The following THOC2 variants were observed in gnomAD, a reference collection of about 807,000 sequenced individuals.
THOC2 encodes THO complex subunit 2.
Under a neutral mutation model 128.4 loss-of-function variants are expected in THOC2, and 10 were observed. The ratio of observed to expected loss-of-function variants is 0.08; its 90% CI spans 0.05 to 0.13. THOC2 has a LOEUF of 0.13. Ranked by LOEUF, THOC2 falls within the 10% of genes least tolerant of loss-of-function variation. THOC2 has a pLI of 1.00. For missense variants in THOC2, 535 were observed against 1,155.7 expected (o/e 0.46, Z 7.79); for synonymous variants, 393 against 396.9 (o/e 0.99, Z 0.12).
intron 1 of THOC2, among the ~76,000 whole-genome samples, chrX:123,729,759 T>A (rs989767177): frequency 8.9e-6 from 1 of 112,400 alleles, no homozygotes; most frequent in African/African-American, 3.2e-5. Flanking sequence ...TTTTAACATT[T>A]CCAGTTGCTG....
At chrX:123,610,154 A>G (rs1197359728) in intron 38 of THOC2, 2 of 111,630 alleles carry the variant, frequency 1.8e-5, no homozygotes, top group Non-Finnish European at 3.8e-5. Context: ...ATCACCAAAC[A>G]GTAACTATTC....
At chrX:123,621,039 CT>C (rs1345941631) in intron 31 of THOC2, 74 bp from the exon 32 acceptor site, 1 of 1,184,323 alleles carries the variant, frequency 8.4e-7, no homozygotes, top group African/African-American at 1.8e-5. Context: ...AAAACACCAA[CT>C]TGTATGACAA....
At chrX:123,624,282 C>A in intron 26 of THOC2, 91 bp from the exon 27 acceptor site, 1 of 881,740 alleles carries the variant, frequency 1.1e-6, no homozygotes, top group Non-Finnish European at 1.5e-6. Flanking sequence ...TCAATGTTTC[C>A]GTGTAAAAAC....
At chrX:123,710,393 A>G (rs2051130803) in intron 2 of THOC2, among the ~76,000 whole-genome samples, 1 of 112,377 alleles carries the variant, frequency 8.9e-6, no homozygotes, top group South Asian at 3.7e-4. Context: ...GTTTCTATCA[A>G]ACAAGATCAA....
chrX:123,602,035 C>A (rs1187205090), intron 38 of THOC2: 1 of 112,576 alleles, frequency 8.9e-6, no homozygotes, highest in Non-Finnish European at 1.9e-5. Flanking sequence ...AATTTCAAAA[C>A]ATGATTATTA....
chrX:123,700,296 T>C (rs1213045728), intron 4 of THOC2, among the ~76,000 whole-genome samples: 3 of 108,081 alleles, frequency 2.8e-5, no homozygotes, highest in Non-Finnish European at 5.7e-5. Flanking sequence ...AGGTTAGGAG[T>C]TTGAGACCAG....
intron 9 of THOC2, among the ~76,000 whole-genome samples, chrX:123,669,493 T>G (rs2049179322): frequency 1.8e-5 from 2 of 110,358 alleles, no homozygotes; most frequent in African/African-American, 6.6e-5. Flanking sequence ...ATTTTGTACT[T>G]TTAGTAGAGA....
intron 1 of THOC2, among the ~76,000 whole-genome samples, chrX:123,721,700 C>G (rs1408842525): frequency 9.2e-6 from 1 of 108,119 alleles, no homozygotes; most frequent in Non-Finnish European, 1.9e-5. Context: ...GCAGGAGAAT[C>G]GCTTGGACTC....
chrX:123,657,433 TAAATAAAC>T (rs1036977213), intron 12 of THOC2, among the ~76,000 whole-genome samples: 4 of 109,474 alleles, frequency 3.7e-5, no homozygotes, highest in Non-Finnish European at 7.6e-5. Flanking sequence ...AATAAATAAA[TAAATAAAC>T]AAATAAATAA....
chrX:123,732,966 T>A lies in THOC2; in HGVS notation c.57A>T (p.Ser19=). 1 of 1,211,870 alleles carries A rather than the reference T, an allele frequency of 8.3e-7. No homozygotes were observed. Among genetic ancestry groups the A allele is most frequent in the South Asian group, 1.8e-5 (1 of 57,006 alleles). The part of the protein sequence containing the change: ...PAEWIKNWEK[S]GRGEFLHLCR... Reference sequence around the variant, plus strand: ...CGAACACTCACAATTCGCCTCTCCCTGATTTCTCCCAGTTCTTTATCCACT... The same window carrying A: ...CGAACACTCACAATTCGCCTCTCCCAGATTTCTCCCAGTTCTTTATCCACT... Residue 19 remains serine, a synonymous_variant, in exon 1 of 39, where the codon TCA becomes TCT. Transcript: ENST00000245838.
In THOC2 at chrX:123,623,178, C is replaced by A; in HGVS notation, c.3609G>T (p.Gly1203=). The A allele has an allele frequency of 1.7e-6, 2 of 1,211,383 alleles. No individual in the cohort carries two copies. The highest frequency in any genetic ancestry group is 2.2e-6 in the Non-Finnish European group (2 of 895,199). Residue 1203 remains glycine, a synonymous_variant, in exon 29 of 39, where the codon GGG becomes GGT. Transcript: ENST00000245838. ...ATGATGAAGAAGGCCCACCACCAGGCCCATTTTGCACACTGGCAACTGCAT... is the reference window on the plus strand; with the variant it reads ...ATGATGAAGAAGGCCCACCACCAGGACCATTTTGCACACTGGCAACTGCAT... ...PRNAVASVQN[G]PGGGPSSSSI...
intron 9 of THOC2, among the ~76,000 whole-genome samples, chrX:123,671,217 A>T (rs2147817358): frequency 8.9e-6 from 1 of 111,811 alleles, no homozygotes; most frequent in African/African-American, 3.2e-5. Context: ...AAATACACTA[A>T]TGAAGTTCCC....
chrX:123,624,685 G>A lies in THOC2; in HGVS notation c.3058-16C>T. On this transcript the variant is annotated splice_polypyrimidine_tract_variant and intron_variant, in intron 25 of 38. Transcript: ENST00000245838. ...CAGAGAAAACCTACAGGAGAAAAAT[G>A]TTTAAAAAATATAAACAAATCAAGG... is the stretch of plus-strand genomic sequence containing the variant. 3.4e-6 allele frequency: 4 copies of A among 1,187,522 alleles called. No individual in the cohort carries two copies. Among genetic ancestry groups the A allele is most frequent in the Non-Finnish European group, 4.6e-6 (4 of 879,115 alleles).
intron 12 of THOC2, among the ~76,000 whole-genome samples, chrX:123,648,436 T>C (rs1417712194): frequency 9.0e-6 from 1 of 111,209 alleles, no homozygotes; most frequent in Non-Finnish European, 1.9e-5. Flanking sequence ...CAAACCCCAG[T>C]AGCGCCTGGA....
At chrX:123,652,107 G>A (rs769070017) in intron 12 of THOC2, among the ~76,000 whole-genome samples, 4 of 111,358 alleles carry the variant, frequency 3.6e-5, no homozygotes, top group African/African-American at 1.3e-4. Flanking sequence ...TTCATCCCGG[G>A]GATGCAAGGC....
chrX:123,708,187 TC>T lies in THOC2; in HGVS notation c.131-1239del, dbSNP rs763537391. On this transcript the variant is annotated intron_variant, in intron 2 of 38. Coordinates refer to ENST00000245838, the MANE Select transcript of THOC2 (RefSeq NM_001081550.2). ...TAATAGAAATCAAAATGTACATAAA[TC>T]CCCCCTTAATGAAAATACTATTTTG... 2.2e-3 allele frequency among the ~76,000 whole-genome samples: 243 copies of T among 111,367 alleles called. 1 individual carries two copies. The highest frequency in any genetic ancestry group is 7.6e-3 in the African/African-American group (233 of 30,735).
At chrX:123,625,494 G>A (rs1021698256) in intron 25 of THOC2, among the ~76,000 whole-genome samples, 11 of 110,151 alleles carry the variant, frequency 1.0e-4, no homozygotes, top group African/African-American at 3.6e-4. Flanking sequence ...GCTTTTATAT[G>A]TGTGTGAAGG....
intron 12 of THOC2, among the ~76,000 whole-genome samples, chrX:123,652,533 C>A: frequency 8.9e-6 from 1 of 111,848 alleles, no homozygotes; most frequent in Middle Eastern, 4.6e-3. Context: ...TTAGAAAACC[C>A]CATTGTCTCA....
rs2049026038 is a variant in THOC2, at chrX:123,665,821, C to G, written c.1207G>C (p.Gly403Arg). 1 of 1,105,971 alleles carries G rather than the reference C, an allele frequency of 9.0e-7. No homozygotes were observed. The highest frequency in any genetic ancestry group is 1.8e-5 in the African/African-American group (1 of 54,359). 91.1% of individuals were successfully genotyped at this position (1,105,971 alleles called of 1,213,427 possible). A position where few individuals can be genotyped will look rare whatever the true frequency, so the allele number is the denominator to read the frequency against. ...PLYRRVGVPK[G>R]AKGSPVNALQ... is the part of the protein sequence containing the mutation. ...GCATTAACAGGTGAGCCTTTAGCAC[C>G]TTTAGGAACTCCAACTCTATTTTAA... The change falls in exon 12 of 39, where the codon GGT (glycine) becomes CGT (arginine). Residue 403 changes from glycine (G) to arginine (R), a missense_variant. Physicochemically the swap from Gly to Arg is moderately radical, Grantham distance 125. Around this residue, in one of 9 missense-constraint regions of THOC2, gnomAD observed 197 missense variants for 313.4 expected, o/e 0.63. Coordinates refer to ENST00000245838, the MANE Select transcript of THOC2 (RefSeq NM_001081550.2).
Sources: gnomAD v4.1 joint callset for allele counts (sites outside exome capture counted in the v4.1 genomes callset) on GRCh38, gnomAD v4.1.1 for gene constraint, gnomAD v4.1.1 regional missense constraint, MANE v1.5 for transcripts, NCBI Gene and HGNC (gene_info 2026-07-23, HGNC 2026-07-21) for gene names.